Variants in THSD4 observed in about 807,000 individuals in gnomAD.
The protein encoded by THSD4 is thrombospondin type 1 domain containing 4, also known as thrombospondin type-1 domain-containing protein 4.
In THSD4, 69 loss-of-function variants were observed where a neutral mutation model predicts 119.0. The ratio of observed to expected loss-of-function variants is 0.58; its 90% CI spans 0.48 to 0.71. The LOEUF is 0.71. THSD4 is among the 30% of genes least tolerant of loss of function. The pLI is 0.00. For synonymous variants in THSD4, 524 were observed against 540.4 expected, an observed-to-expected ratio of 0.97 and a Z score of 0.42; for missense variants, 1,393 against 1,391.1, an observed-to-expected ratio of 1.00 and a Z score of -0.02.
chr15:71,337,122 T>TAGGCAGCCA (rs2045498835), intron 6 of THSD4, among the ~76,000 whole-genome samples: 1 of 152,180 alleles, frequency 6.6e-6, no homozygotes, highest in Admixed American at 6.5e-5. Context: ...GGTCCTGGGC[T>TAGGCAGCCA]AGGCAGAGGA....
chr15:71,148,768 G>A (rs1249031603), intron 2 of THSD4, among the ~76,000 whole-genome samples: 2 of 152,144 alleles, frequency 1.3e-5, no homozygotes, highest in African/African-American at 2.4e-5. Flanking sequence ...TCCTAATGAG[G>A]CCCCGCAGCA....
At chr15:71,756,031 A>G (rs2053533297) in intron 14 of THSD4, among the ~76,000 whole-genome samples, 1 of 152,222 alleles carries the variant, frequency 6.6e-6, no homozygotes, top group Admixed American at 6.5e-5. Context: ...ATAATAGGAA[A>G]TTAGTCTAGA....
At chr15:71,290,789 G>A (rs954463271) in intron 6 of THSD4, among the ~76,000 whole-genome samples, 5 of 151,512 alleles carry the variant, frequency 3.3e-5, no homozygotes, top group Non-Finnish European at 5.9e-5. Flanking sequence ...TAATAGGTTT[G>A]TCCCTACTGC....
intron 7 of THSD4, among the ~76,000 whole-genome samples, chr15:71,455,759 CA>C (rs1209226375): frequency 7.9e-5 from 12 of 152,296 alleles, no homozygotes; most frequent in Non-Finnish European, 1.6e-4. Context: ...AAATTTGACA[CA>C]AGTAGATGCT....
chr15:71,157,491 G>T (rs2040790202), intron 3 of THSD4, among the ~76,000 whole-genome samples: 1 of 151,326 alleles, frequency 6.6e-6, no homozygotes, highest in Admixed American at 6.6e-5. Flanking sequence ...TAGCTATTTT[G>T]TCATATATAA....
rs534922508 is a variant in THSD4 at position 71,339,955 on chromosome 15, G to A, written c.1016-71732G>A. Among the ~76,000 whole-genome samples the A allele has an allele frequency of 4.6e-5, 7 of 152,086 alleles. No individual in the cohort carries two copies. In the South Asian group the frequency reaches 6.2e-4, roughly 14 times the overall value. On this transcript the variant is annotated intron_variant, in intron 6 of 17. Coordinates refer to ENST00000261862, the MANE Select transcript of THSD4 (RefSeq NM_024817.3). ...AATTTTTGTATTTTTAGTAGAGACAGGCTTTCGTCATGTTGTCCAGGCTGG... is the reference window on the plus strand; with the variant it reads ...AATTTTTGTATTTTTAGTAGAGACAAGCTTTCGTCATGTTGTCCAGGCTGG...
chr15:71,746,923 G>T lies in THSD4; in HGVS notation c.2122G>T (p.Ala708Ser), dbSNP rs774804503. The change falls in exon 13 of 18, where the codon GCC (alanine) becomes TCC (serine). Residue 708 changes from alanine to serine, a missense_variant. Transcript: ENST00000261862. Reference protein sequence around the residue: ...HRQVLCRQVYANRSLTVQPYR... With the variant: ...HRQVLCRQVYSNRSLTVQPYR... The stretch of plus-strand genomic sequence containing the variant: ...CCAGGTTCTGTGCCGCCAGGTGTAC[G>T]CCAACCGCAGCCTGACGGTGCAGCC... 1.2e-6 allele frequency: 2 copies of T among 1,613,722 alleles called. No individual in the cohort carries two copies. Among genetic ancestry groups the T allele is most frequent in the South Asian group, 1.1e-5 (1 of 91,078 alleles).
At chr15:71,199,656 GTGTGATGCATGTGTGGAGGGTGTGTGT>G (rs2043762710) in intron 3 of THSD4, among the ~76,000 whole-genome samples, 5 of 145,354 alleles carry the variant, frequency 3.4e-5, no homozygotes, top group South Asian at 2.2e-4. Flanking sequence ...TGGTGTGTGT[GTGTGATGCATGTGTGGAGGGTGTGTGT>G]GTGTGTGGTG....
chr15:71,284,054 C>T (rs2044686431), intron 6 of THSD4, among the ~76,000 whole-genome samples: 1 of 152,120 alleles, frequency 6.6e-6, no homozygotes, highest in Non-Finnish European at 1.5e-5. Flanking sequence ...AGGTACAATG[C>T]CTTTTCTCTT....
intron 8 of THSD4, among the ~76,000 whole-genome samples, chr15:71,722,937 G>A (rs1413032454): frequency 1.3e-5 from 2 of 152,142 alleles, no homozygotes; most frequent in Admixed American, 6.5e-5. Context: ...ATTCACAAAT[G>A]TATAATGGAA....
Position 71,779,345 on chromosome 15 carries a change from C to T in THSD4, c.*1971C>T, listed in dbSNP as rs1032553603. ...GTGCTGTTCAGGGCCTGCTCTTTTC[C>T]ACTCACCACTTGTTTTGCTGCTTGT... On this transcript the variant is annotated 3_prime_UTR_variant, in exon 18 of 18. Transcript: ENST00000261862. The T allele has an allele frequency of 3.3e-5, 5 of 152,272 alleles. No individual in the cohort carries two copies. Among genetic ancestry groups the T allele is most frequent in the Non-Finnish European group, 7.3e-5 (5 of 68,066 alleles). 9.4% of individuals were successfully genotyped at this position (152,272 alleles called of 1,614,324 possible).
chr15:71,683,353 A>G (rs1441804420), intron 8 of THSD4, among the ~76,000 whole-genome samples: 2 of 152,196 alleles, frequency 1.3e-5, no homozygotes, highest in Non-Finnish European at 2.9e-5. Context: ...AATTCATTCA[A>G]TAAACATGTA....
chr15:71,297,490 C>T (rs1233325088), intron 6 of THSD4, among the ~76,000 whole-genome samples: 2 of 152,138 alleles, frequency 1.3e-5, no homozygotes, highest in East Asian at 1.9e-4. Flanking sequence ...CACGTGCCCC[C>T]ATGCCTGGCT....
In THSD4 at chr15:71,686,084, T is replaced by C. The variant is rs112160447; in HGVS notation, c.1357+25350T>C. ...ATTTTTAAAACTTTATGGTAAAATA[T>C]ATATAACATAAAATTTACCATTTTA... On this transcript the variant is annotated intron_variant, in intron 8 of 17. Transcript: ENST00000261862. Among the ~76,000 whole-genome samples the C allele has an allele frequency of 7.4e-3, 1,132 of 152,300 alleles. 14 individuals are homozygous for C. The highest frequency in any genetic ancestry group is 0.026 in the African/African-American group (1,080 of 41,552).
intron 8 of THSD4, among the ~76,000 whole-genome samples, chr15:71,721,402 G>A (rs2052719654): frequency 6.6e-6 from 1 of 152,184 alleles, no homozygotes; most frequent in Non-Finnish European, 1.5e-5. Context: ...CTGCTACTGG[G>A]GAGGCTGAGA....
intron 8 of THSD4, among the ~76,000 whole-genome samples, chr15:71,665,004 AT>A (rs1272970149): frequency 6.6e-6 from 1 of 152,184 alleles, no homozygotes; most frequent in African/African-American, 2.4e-5. Context: ...CTTTGGGTAT[AT>A]ACCCAGTAAG....
intron 6 of THSD4, among the ~76,000 whole-genome samples, chr15:71,347,868 A>AACCACCCAAACAC (rs1382180665): frequency 6.6e-6 from 1 of 152,272 alleles, no homozygotes; most frequent in Admixed American, 6.5e-5. Context: ...TGTTCAGATG[A>AACCACCCAAACAC]TCAGCCGGAC....
chr15:71,492,807 G>A (rs971138146), intron 7 of THSD4, among the ~76,000 whole-genome samples: 1 of 152,014 alleles, frequency 6.6e-6, no homozygotes. Context: ...CATGCTCATG[G>A]AACCTAGTAG....
intron 10 of THSD4, among the ~76,000 whole-genome samples, chr15:71,734,696 A>G (rs2053047282): frequency 1.3e-5 from 2 of 151,842 alleles, no homozygotes; most frequent in Admixed American, 1.3e-4. Flanking sequence ...CACATGTACC[A>G]GTCTGATGTG....
Sources: allele counts gnomAD v4.1 joint callset (sites outside exome capture counted in the v4.1 genomes callset), GRCh38; gene constraint gnomAD v4.1.1; transcripts MANE v1.5; gene names NCBI Gene and HGNC (gene_info 2026-07-23, HGNC 2026-07-21).